Variants in MDGA1 observed in about 807,000 individuals in gnomAD.
MDGA1 encodes MAM domain-containing glycosylphosphatidylinositol anchor protein 1.
In MDGA1, 54 loss-of-function variants were observed where a neutral mutation model predicts 101.5. The ratio of observed to expected loss-of-function variants is 0.53; its 90% confidence interval spans 0.43 to 0.67. MDGA1 has a LOEUF of 0.67. MDGA1 is among the 30% of genes least tolerant of loss of function. The pLI is 0.00. For synonymous variants in MDGA1, 533 were observed against 558.3 expected, an observed-to-expected ratio of 0.95 and a Z score of 0.64; for missense variants, 1,083 against 1,323.8, an observed-to-expected ratio of 0.82 and a Z score of 2.82.
chr6:37,643,605 A>T (rs9462341), intron 14 of MDGA1, among the ~76,000 whole-genome samples: 82,152 of 152,016 alleles, frequency 0.54, 23,130 homozygotes, highest in South Asian at 0.7. Flanking sequence ...GGCTCAGGAC[A>T]CCCTGATCAT....
At chr6:37,646,618 T>C (rs1337240393) in intron 10 of MDGA1, among the ~76,000 whole-genome samples, 1 of 152,186 alleles carries the variant, frequency 6.6e-6, no homozygotes, top group African/African-American at 2.4e-5. Context: ...ATTACCCCCA[T>C]TTTACAGATA....
rs1490949763 is a variant in MDGA1 at position 37,649,175 on chromosome 6, G to A, written c.1701C>T (p.Pro567=). Residue 567 remains proline (P), a synonymous_variant, in exon 9 of 17, where the codon CCC becomes CCT. Transcript: ENST00000434837. The part of the protein sequence containing the change: ...LLRCSLLRGS[P]QRIASAVWRF... ...GCCACACAGCCGAGGCGATGCGCTG[G>A]GGGCTGCCTCGCAGCAGCGAGCAGC... is the stretch of plus-strand genomic sequence containing the variant. 6.7e-7 allele frequency: 1 copy of A among 1,498,586 alleles called. No individual in the cohort carries two copies. Among genetic ancestry groups the A allele is most frequent in the Non-Finnish European group, 8.8e-7 (1 of 1,132,312 alleles). 92.8% of individuals were successfully genotyped at this position (1,498,586 alleles called of 1,614,324 possible).
At chr6:37,642,862 A>G (rs1483599220) in intron 14 of MDGA1, among the ~76,000 whole-genome samples, 1 of 152,206 alleles carries the variant, frequency 6.6e-6, no homozygotes, top group African/African-American at 2.4e-5. Flanking sequence ...CACCTCGTTC[A>G]CTACAGCACC....
intron 1 of MDGA1, among the ~76,000 whole-genome samples, chr6:37,694,906 T>G (rs1289516927): frequency 6.6e-6 from 1 of 151,804 alleles, no homozygotes; most frequent in African/African-American, 2.4e-5. Flanking sequence ...GAAAAGGGTA[T>G]AGATAAGCCT....
In MDGA1 at chr6:37,658,277, G is replaced by A. The variant is rs1419314960; in HGVS notation, c.350C>T (p.Pro117Leu). The A allele has an allele frequency of 5.6e-6, 9 of 1,606,956 alleles. No individual in the cohort carries two copies. Among genetic ancestry groups the A allele is most frequent in the Non-Finnish European group, 5.9e-6 (7 of 1,176,714 alleles). Reference protein sequence around the residue: ...YCKAENGVGVPAIKSIRVDVQ... With the variant: ...YCKAENGVGVLAIKSIRVDVQ... ...GTCCACGCGGATGGACTTGATGGCCGGCACCCCCACGCCGTTCTCAGCCTT... is the reference window on the plus strand; with the variant it reads ...GTCCACGCGGATGGACTTGATGGCCAGCACCCCCACGCCGTTCTCAGCCTT... Residue 117 changes from proline (P) to leucine (L), a missense_variant, in exon 3 of 17, where the codon CCG (proline) becomes CTG (leucine). This residue lies in a region of MDGA1 where 310 missense variants were observed against 355.9 expected (regional missense o/e 0.87). Transcript: ENST00000434837.
chr6:37,647,392 G>A, intron 9 of MDGA1, 68 bp from the exon 10 acceptor site: 1 of 978,282 alleles, frequency 1.0e-6, no homozygotes, highest in South Asian at 1.7e-5. Flanking sequence ...GAGGAGGTGT[G>A]GGAAAGGGAA....
chr6:37,667,754 C>A (rs1259511879), intron 1 of MDGA1, among the ~76,000 whole-genome samples: 1 of 152,154 alleles, frequency 6.6e-6, no homozygotes, highest in Non-Finnish European at 1.5e-5. Context: ...TGTAGCAAGG[C>A]AGTATTGTAA....
At chr6:37,675,719 G>C (rs1452401644) in intron 1 of MDGA1, among the ~76,000 whole-genome samples, 1 of 152,142 alleles carries the variant, frequency 6.6e-6, no homozygotes, top group African/African-American at 2.4e-5. Flanking sequence ...AGTGATGTGG[G>C]ACCCATGGAC....
chr6:37,695,985 G>A (rs1762409801), intron 1 of MDGA1, among the ~76,000 whole-genome samples: 3 of 152,204 alleles, frequency 2.0e-5, no homozygotes, highest in Admixed American at 2.0e-4. Flanking sequence ...GGTAACCACA[G>A]CGAGGCGTGC....
rs150943128 is a variant in MDGA1, at chr6:37,677,229, C to T, written c.68-13123G>A. ...TTAAAATGATAAAATCCATTGTGGC[C>T]GGGCTGTGCACAACACCAGCTCAAA... On this transcript the variant is annotated intron_variant, in intron 1 of 16. Coordinates refer to ENST00000434837, the MANE Select transcript of MDGA1 (RefSeq NM_153487.4). Among the ~76,000 whole-genome samples, 141 of 152,176 alleles carry T rather than the reference C, an allele frequency of 9.3e-4. 1 individual carries two copies. The East Asian group carries it at 0.017, about 18-fold the overall frequency.
At chr6:37,643,965 G>T in intron 13 of MDGA1, 22 bp from the exon 14 acceptor site, 1 of 1,611,950 alleles carries the variant, frequency 6.2e-7, no homozygotes, top group East Asian at 2.2e-5. Flanking sequence ...GGGGAGATGC[G>T]CCAACAGCCC....
chr6:37,666,191 C>CAA (rs146449734), intron 1 of MDGA1, among the ~76,000 whole-genome samples: 3,990 of 122,220 alleles, frequency 0.033, 79 homozygotes, highest in Middle Eastern at 0.084. Flanking sequence ...ACTAAAAATA[C>CAA]AAAAAAAAAA....
At chr6:37,637,984 C>A in intron 16 of MDGA1, 1 of 601,118 alleles carries the variant, frequency 1.7e-6, no homozygotes, top group Non-Finnish European at 3.0e-6. Flanking sequence ...GGTCAGTATG[C>A]TCATCACGAG....
rs757695690 is a variant in MDGA1, at chr6:37,652,193, G to A, written c.1130C>T (p.Pro377Leu). The A allele has an allele frequency of 2.9e-5, 47 of 1,613,902 alleles. No individual in the cohort carries two copies. Among genetic ancestry groups the A allele is most frequent in the East Asian group, 2.0e-4 (9 of 44,896 alleles). ...VTYQWFKNGK[P>L]ARMSKRLLVT... ...CAGCAGCCGCTTGGACATGCGTGCC[G>A]GCTTGCCATTCTTGAACCACTGGTA... Residue 377 changes from proline to leucine, a missense_variant, in exon 7 of 17, where the codon CCG (proline) becomes CTG (leucine). Coordinates refer to ENST00000434837, the MANE Select transcript of MDGA1 (RefSeq NM_153487.4). The surrounding 1 kb of genome is among the most constrained non-coding windows in gnomAD (Gnocchi z 4.3).
chr6:37,694,191 A>G lies in MDGA1; in HGVS notation c.67+2554T>C, dbSNP rs550668659. Among the ~76,000 whole-genome samples the G allele has an allele frequency of 5.3e-5, 8 of 152,298 alleles. 1 individual carries two copies. In the Middle Eastern group the frequency reaches 0.01, roughly 194 times the overall value. On this transcript the variant is annotated intron_variant, in intron 1 of 16. Transcript: ENST00000434837. Reference sequence around the variant, plus strand: ...AATTAGACCTGCTGCCTCCCTCCCCAGTGCCAGGGCAATACTAGGCTTCCA... The same window carrying G: ...AATTAGACCTGCTGCCTCCCTCCCCGGTGCCAGGGCAATACTAGGCTTCCA...
intron 1 of MDGA1, among the ~76,000 whole-genome samples, chr6:37,670,186 A>AAT (rs1161298218): frequency 6.6e-6 from 1 of 152,208 alleles, no homozygotes; most frequent in Non-Finnish European, 1.5e-5. Context: ...GGGCTAATGC[A>AAT]ATATATGTAA....
At position 37,650,362 on chromosome 6, in the gene MDGA1, G is replaced by C; in HGVS notation, c.1356C>G (p.Thr452=). ...ISVPKGRAVV[T]VREGSPAELQ... is the part of the protein sequence containing the mutation. ...GCTCGGCAGGCGATCCCTCGCGCAC[G>C]GTCACCACGGCCCTACCCTTGGGCA... Residue 452 remains threonine, a synonymous_variant, in exon 8 of 17, where the codon ACC becomes ACG. Coordinates refer to ENST00000434837, the MANE Select transcript of MDGA1 (RefSeq NM_153487.4). 6 of 1,573,076 alleles carry C rather than the reference G, an allele frequency of 3.8e-6. No homozygotes were observed. The highest frequency in any genetic ancestry group is 5.2e-6 in the Non-Finnish European group (6 of 1,160,678).
At chr6:37,688,398 G>GT (rs1333221602) in intron 1 of MDGA1, among the ~76,000 whole-genome samples, 1 of 152,176 alleles carries the variant, frequency 6.6e-6, no homozygotes, top group African/African-American at 2.4e-5. Flanking sequence ...GATAATTAAT[G>GT]TATCTCGGCT....
intron 1 of MDGA1, among the ~76,000 whole-genome samples, chr6:37,667,533 T>A (rs909472379): frequency 2.6e-5 from 4 of 152,186 alleles, no homozygotes; most frequent in African/African-American, 9.7e-5. Context: ...GCAATAAAAA[T>A]GCATGAACAT....
Sources: allele counts gnomAD v4.1 joint callset (sites outside exome capture counted in the v4.1 genomes callset), GRCh38; gene constraint gnomAD v4.1.1; regional missense constraint gnomAD v4.1.1; non-coding constraint Gnocchi (gnomAD v3.1); transcripts MANE v1.5; gene names NCBI Gene and HGNC (gene_info 2026-07-23, HGNC 2026-07-21).